RANBP17: variants seen among roughly 807,000 people sequenced by gnomAD.
The protein encoded by RANBP17 is RAN binding protein 17.
A neutral mutation model predicts 141.2 loss-of-function variants in RANBP17; 158 were observed. The observed-to-expected ratio is 1.12, with a 90% CI of 0.98 to 1.28. RANBP17 has a LOEUF of 1.28. RANBP17 is among the 50% of genes most tolerant of loss of function. The probability of loss-of-function intolerance (pLI) is 0.00; values close to 1 mark genes in which losing one functional copy is unlikely to be tolerated. For missense variants in RANBP17, 1,438 were observed against 1,290.7 expected (o/e 1.11, Z -1.75); for synonymous variants, 430 against 450.0 (o/e 0.96, Z 0.56).
intron 20 of RANBP17, among the ~76,000 whole-genome samples, chr5:171,212,111 G>A (rs564375430): frequency 4.6e-5 from 7 of 152,332 alleles, no homozygotes; most frequent in Admixed American, 4.6e-4. Context: ...CCATTAGGGA[G>A]AGGTAGGAGG....
At chr5:171,064,367 A>C (rs541680807) in intron 14 of RANBP17, among the ~76,000 whole-genome samples, 1 of 152,350 alleles carries the variant, frequency 6.6e-6, no homozygotes, top group South Asian at 2.1e-4. Context: ...TGGGTGAAAA[A>C]ATTGACTTTT....
intron 21 of RANBP17, 115 bp downstream of exon 21, chr5:171,213,853 A>G (rs894159334): frequency 2.5e-6 from 2 of 785,046 alleles, no homozygotes; most frequent in African/African-American, 3.4e-5. Context: ...GAGCCCAGGA[A>G]CCAAGACTTA....
At chr5:171,017,947 G>A (rs572763693) in intron 14 of RANBP17, among the ~76,000 whole-genome samples, 62 of 152,156 alleles carry the variant, frequency 4.1e-4, no homozygotes, top group African/African-American at 1.4e-3. Context: ...GTAAGGAAGG[G>A]GTCCGATTTC....
chr5:171,001,447 C>T (rs1779195500), intron 14 of RANBP17, among the ~76,000 whole-genome samples: 1 of 152,110 alleles, frequency 6.6e-6, no homozygotes, highest in Admixed American at 6.6e-5. Context: ...TGGTTGGCGA[C>T]TTTCAAGGCT....
At chr5:171,076,064 G>T (rs1337324761) in intron 14 of RANBP17, among the ~76,000 whole-genome samples, 1 of 152,164 alleles carries the variant, frequency 6.6e-6, no homozygotes, top group Non-Finnish European at 1.5e-5. Context: ...ACAAAAAGAT[G>T]TACATATGAC....
chr5:170,933,507 G>C (rs150457448), intron 12 of RANBP17, among the ~76,000 whole-genome samples: 92,460 of 151,414 alleles, frequency 0.61, 29,556 homozygotes, highest in South Asian at 0.88. Context: ...TGTGATGTTA[G>C]GGTGTCAATT....
rs527791638 is a variant in RANBP17 at position 170,946,970 on chromosome 5, G to A, written c.1469-6627G>A. 2.6e-5 allele frequency among the ~76,000 whole-genome samples: 4 copies of A among 152,220 alleles called. No homozygotes were observed. In the South Asian group the frequency reaches 8.3e-4, roughly 32 times the overall value. On this transcript the variant is annotated intron_variant, in intron 12 of 27. Transcript: ENST00000523189. ...GCTCTGAGCTTGAAACATGTGTACT[G>A]GACAACTACAGATTTTCACTGCTTT... is the stretch of plus-strand genomic sequence containing the variant.
intron 14 of RANBP17, among the ~76,000 whole-genome samples, chr5:171,104,428 A>G (rs1454902147): frequency 2.0e-5 from 3 of 152,214 alleles, no homozygotes; most frequent in African/African-American, 7.2e-5. Flanking sequence ...CATAAATGCA[A>G]TAGTCAAAAT....
intron 21 of RANBP17, among the ~76,000 whole-genome samples, chr5:171,217,151 T>C (rs1763272972): frequency 6.6e-6 from 1 of 152,216 alleles, no homozygotes; most frequent in African/African-American, 2.4e-5. Flanking sequence ...AGGCCTTTTA[T>C]GCGTCTGTTG....
intron 14 of RANBP17, among the ~76,000 whole-genome samples, chr5:171,106,760 T>C (rs1408155264): frequency 1.3e-5 from 2 of 152,194 alleles, no homozygotes; most frequent in Admixed American, 6.5e-5. Flanking sequence ...GTGGATTTGC[T>C]GTAAAATGTC....
chr5:171,162,849 G>A (rs1759445665), intron 14 of RANBP17, among the ~76,000 whole-genome samples: 1 of 152,138 alleles, frequency 6.6e-6, no homozygotes, highest in Non-Finnish European at 1.5e-5. Context: ...GCCACAGGAT[G>A]TGGAGCGAAG....
chr5:170,868,934 G>A (rs1030920554), intron 1 of RANBP17, among the ~76,000 whole-genome samples: 2 of 152,138 alleles, frequency 1.3e-5, no homozygotes, highest in African/African-American at 4.8e-5. Context: ...TTCTACCAGG[G>A]GAAGGGTCTT....
intron 14 of RANBP17, among the ~76,000 whole-genome samples, chr5:170,979,577 G>C (rs2127547635): frequency 6.6e-6 from 1 of 152,294 alleles, no homozygotes; most frequent in South Asian, 2.1e-4. Flanking sequence ...CTGTTCTCAT[G>C]GTAGTGACTA....
chr5:170,955,639 A>G lies in RANBP17; in HGVS notation c.1574+1937A>G, dbSNP rs1168447905. On this transcript the variant is annotated intron_variant, in intron 13 of 27. Coordinates refer to ENST00000523189, the MANE Select transcript of RANBP17 (RefSeq NM_022897.5). ...AGTGTATATATATATATATATATATATGCTCAGTGTATATATATATATATA... is the reference window on the plus strand; with the variant it reads ...AGTGTATATATATATATATATATATGTGCTCAGTGTATATATATATATATA... Among the ~76,000 whole-genome samples, 91 of 50,490 alleles carry G rather than the reference A, an allele frequency of 1.8e-3. 14 individuals are homozygous for G. In the East Asian group the frequency reaches 0.058, roughly 32 times the overall value. The allele number at this position is 50,490 out of a possible 152,430, so 33.1% of individuals were successfully genotyped here. A position where few individuals can be genotyped will look rare whatever the true frequency, so the allele number is the denominator to read the frequency against.
At chr5:170,923,373 C>T (rs1313137852) in intron 11 of RANBP17, among the ~76,000 whole-genome samples, 1 of 152,124 alleles carries the variant, frequency 6.6e-6, no homozygotes, top group African/African-American at 2.4e-5. Flanking sequence ...TGTTCTTTCA[C>T]CAGTACCCTG....
chr5:171,140,358 A>G (rs368962873), intron 14 of RANBP17, among the ~76,000 whole-genome samples: 1 of 152,220 alleles, frequency 6.6e-6, no homozygotes, highest in East Asian at 1.9e-4. Flanking sequence ...TGGAATATTT[A>G]TCAAGCTCAC....
intron 14 of RANBP17, among the ~76,000 whole-genome samples, chr5:171,022,331 G>A (rs1219952231): frequency 6.6e-6 from 1 of 152,230 alleles, no homozygotes; most frequent in Non-Finnish European, 1.5e-5. Flanking sequence ...GTGGTGGGGT[G>A]TGCTTCACTG....
intron 14 of RANBP17, among the ~76,000 whole-genome samples, chr5:171,093,749 C>T (rs1464269808): frequency 3.3e-5 from 5 of 152,182 alleles, no homozygotes; most frequent in Admixed American, 3.3e-4. Context: ...AGCAGTAATC[C>T]TTTATCTGCA....
At chr5:171,144,443 G>C (rs2127818161) in intron 14 of RANBP17, among the ~76,000 whole-genome samples, 1 of 152,270 alleles carries the variant, frequency 6.6e-6, no homozygotes, top group South Asian at 2.1e-4. Context: ...GGTAAGAGAT[G>C]TGATTGATCA....
Sources: gnomAD v4.1 joint callset for allele counts (sites outside exome capture counted in the v4.1 genomes callset) on GRCh38, gnomAD v4.1.1 for gene constraint, MANE v1.5 for transcripts, NCBI Gene and HGNC (gene_info 2026-07-23, HGNC 2026-07-21) for gene names.